The following PCDHA13 variants were observed in gnomAD, a reference collection of about 807,000 sequenced individuals.
PCDHA13 encodes protocadherin alpha-13.
In PCDHA13, 54 loss-of-function variants were observed where a neutral mutation model predicts 64.8. That is an observed-to-expected ratio of 0.83 (90% CI 0.67 to 1.04). PCDHA13 has a LOEUF of 1.04. PCDHA13 is among the 50% of genes least tolerant of loss of function. The pLI is 0.00. For missense variants in PCDHA13, 1,248 were observed against 1,254.3 expected, an observed-to-expected ratio of 0.99 and a Z score of 0.08; for synonymous variants, 587 against 564.4, an observed-to-expected ratio of 1.04 and a Z score of -0.57.
chr5:140,885,319 T>C (rs2060561832), intron 1 of PCDHA13, among the ~76,000 whole-genome samples: 1 of 152,216 alleles, frequency 6.6e-6, no homozygotes, highest in Admixed American at 6.5e-5. Context: ...TGTTATTATT[T>C]CTTTTCCAAA....
intron 1 of PCDHA13, among the ~76,000 whole-genome samples, chr5:140,970,867 G>A (rs1207924606): frequency 6.6e-6 from 1 of 152,124 alleles, no homozygotes; most frequent in Non-Finnish European, 1.5e-5. Flanking sequence ...ATTCCTGATT[G>A]AGAGTAGATT....
At chr5:140,948,942 TA>T (rs34363674) in intron 1 of PCDHA13, among the ~76,000 whole-genome samples, 1 of 151,394 alleles carries the variant, frequency 6.6e-6, no homozygotes, top group Admixed American at 6.6e-5. Context: ...TCTTCTAATA[TA>T]AAAAAATTAA....
chr5:140,893,853 G>C (rs1395145943), intron 1 of PCDHA13, among the ~76,000 whole-genome samples: 1 of 152,050 alleles, frequency 6.6e-6, no homozygotes. Context: ...CCTACCTCTT[G>C]TATAGAAACA....
In PCDHA13 at chr5:140,986,314, A is replaced by G. The variant is rs551389701; in HGVS notation, c.2542+3751A>G. On this transcript the variant is annotated intron_variant, in intron 3 of 3. Transcript: ENST00000289272. ...TGAGCAGAGAGAGAAAATTAGCTAA[A>G]TCAGGAATGCAGGGAATACAGTTGC... 9.4e-4 allele frequency among the ~76,000 whole-genome samples: 143 copies of G among 152,196 alleles called. 1 individual carries two copies. The highest frequency in any genetic ancestry group is 1.6e-3 in the Non-Finnish European group (110 of 68,030).
intron 1 of PCDHA13, among the ~76,000 whole-genome samples, chr5:140,906,332 T>C (rs2072570393): frequency 6.6e-6 from 1 of 152,186 alleles, no homozygotes; most frequent in Non-Finnish European, 1.5e-5. Context: ...CAACTATCCT[T>C]CATACAACCA....
At chr5:140,897,050 G>C (rs1269082503) in intron 1 of PCDHA13, among the ~76,000 whole-genome samples, 1 of 152,014 alleles carries the variant, frequency 6.6e-6, no homozygotes, top group African/African-American at 2.4e-5. Flanking sequence ...CTATTCTGCT[G>C]TCAAATACTA....
chr5:140,997,995 T>C (rs573319923), intron 3 of PCDHA13, among the ~76,000 whole-genome samples: 1 of 152,304 alleles, frequency 6.6e-6, no homozygotes, highest in East Asian at 1.9e-4. Flanking sequence ...CATACTTCCC[T>C]CTGAGCCTTC....
chr5:140,980,265 A>G (rs1041506600), intron 2 of PCDHA13, among the ~76,000 whole-genome samples: 1 of 152,258 alleles, frequency 6.6e-6, no homozygotes, highest in Non-Finnish European at 1.5e-5. Flanking sequence ...CATGGTTTAC[A>G]GTACCAACTC....
At chr5:140,948,819 A>G (rs1332127797) in intron 1 of PCDHA13, among the ~76,000 whole-genome samples, 5 of 151,420 alleles carry the variant, frequency 3.3e-5, no homozygotes, top group Middle Eastern at 3.4e-3. Context: ...TTTCTATTTC[A>G]TTAATTTCTG....
chr5:141,002,023 G>GC (rs1479327416), intron 3 of PCDHA13, among the ~76,000 whole-genome samples: 4 of 152,186 alleles, frequency 2.6e-5, no homozygotes, highest in Admixed American at 6.5e-5. Flanking sequence ...ACAGCCTTCG[G>GC]TGCCCTGACT....
rs142105240 is a variant in PCDHA13, at chr5:140,882,817, A to G, written c.549A>G (p.Gln183=). The G allele has an allele frequency of 5.3e-5, 86 of 1,614,242 alleles. 1 individual carries two copies. The African/African-American group carries it at 9.9e-4, about 19-fold the overall frequency. ...DPNDYFTLDA[Q]NSLEQMSSLS... The stretch of plus-strand genomic sequence containing the variant: ...ACGATTATTTCACTTTGGACGCACA[A>G]AACAGTCTTGAGCAAATGTCTTCAT... Residue 183 remains glutamine, a synonymous_variant, in exon 1 of 4, where the codon CAA becomes CAG. Transcript: ENST00000289272.
chr5:140,952,101 A>G (rs1451958490), intron 1 of PCDHA13, among the ~76,000 whole-genome samples: 1 of 151,950 alleles, frequency 6.6e-6, no homozygotes, highest in African/African-American at 2.4e-5. Flanking sequence ...TCCAGGGCAC[A>G]CTCGTGTGAG....
intron 1 of PCDHA13, among the ~76,000 whole-genome samples, chr5:140,888,156 A>G (rs556908449): frequency 6.6e-6 from 1 of 152,182 alleles, no homozygotes; most frequent in African/African-American, 2.4e-5. Flanking sequence ...CATGACTGGT[A>G]ATCTCTAATA....
chr5:140,913,471 C>G (rs2076351409), intron 1 of PCDHA13, among the ~76,000 whole-genome samples: 1 of 152,010 alleles, frequency 6.6e-6, no homozygotes, highest in South Asian at 2.1e-4. Context: ...TGGGTCTTCT[C>G]TCTTTTTTTC....
intron 1 of PCDHA13, among the ~76,000 whole-genome samples, chr5:140,966,026 G>C (rs1586101729): frequency 6.6e-6 from 1 of 152,290 alleles, no homozygotes; most frequent in Non-Finnish European, 1.5e-5. Context: ...TGGGAGTCAG[G>C]TGAATAGTTC....
intron 1 of PCDHA13, chr5:140,967,704 G>A: frequency 6.2e-7 from 1 of 1,614,196 alleles, no homozygotes; most frequent in Non-Finnish European, 8.5e-7. Context: ...ATAGATGCCA[G>A]TACCGGGGAA....
intron 1 of PCDHA13, among the ~76,000 whole-genome samples, chr5:140,941,207 C>CTTCCTTTCTT (rs1563185091): frequency 3.9e-5 from 4 of 103,272 alleles, no homozygotes; most frequent in African/African-American, 1.7e-4. Context: ...TTCTTCCTTT[C>CTTCCTTTCTT]TTTCTTCCTT....
chr5:140,947,784 T>C (rs2094176527), intron 1 of PCDHA13, among the ~76,000 whole-genome samples: 1 of 151,672 alleles, frequency 6.6e-6, no homozygotes, highest in Non-Finnish European at 1.5e-5. Context: ...AAATGGATTT[T>C]AAACAGACTT....
At chr5:140,936,875 C>T (rs1052156307) in intron 1 of PCDHA13, among the ~76,000 whole-genome samples, 13 of 151,832 alleles carry the variant, frequency 8.6e-5, no homozygotes, top group Non-Finnish European at 1.5e-5. Flanking sequence ...TTTAAAAAAC[C>T]CTGCTTTGAT....
Sources: gnomAD v4.1 joint callset for allele counts (sites outside exome capture counted in the v4.1 genomes callset) on GRCh38, gnomAD v4.1.1 for gene constraint, MANE v1.5 for transcripts, NCBI Gene and HGNC (gene_info 2026-07-23, HGNC 2026-07-21) for gene names.